CELF2: variants seen among roughly 807,000 people sequenced by gnomAD.
The protein encoded by CELF2 is CUGBP Elav-like family member 2.
CELF2 carries 8 observed loss-of-function variants against 62.6 expected under a neutral mutation model. The observed-to-expected ratio is 0.13, with a 90% CI of 0.07 to 0.23. The LOEUF (loss-of-function observed/expected upper bound fraction) is 0.23. Among genes scored for constraint, CELF2 ranks in the 10% least tolerant of loss-of-function variants. The pLI is 1.00. For synonymous variants in CELF2, 258 were observed against 250.0 expected (o/e 1.03, Z -0.30); for missense variants, 333 against 671.0 (o/e 0.50, Z 5.56).
chr10:11,149,342 T>C (rs541362054), intron 1 of CELF2, among the ~76,000 whole-genome samples: 1 of 152,308 alleles, frequency 6.6e-6, no homozygotes, highest in South Asian at 2.1e-4. Flanking sequence ...AGTGCTGCGA[T>C]AACAGGCATG....
chr10:10,858,346 T>A (rs949510611), intron 1 of CELF2, among the ~76,000 whole-genome samples: 1 of 152,126 alleles, frequency 6.6e-6, no homozygotes, highest in Non-Finnish European at 1.5e-5. Flanking sequence ...AATACCCCAA[T>A]GTCTAGCTAC....
At chr10:11,048,099 T>A (rs1249143961) in intron 1 of CELF2, among the ~76,000 whole-genome samples, 1 of 152,086 alleles carries the variant, frequency 6.6e-6, no homozygotes, top group Non-Finnish European at 1.5e-5. Context: ...CCCTCAACAC[T>A]CCCCAAGGCT....
the CELF2 span, among the ~76,000 whole-genome samples, chr10:10,540,042 T>C: frequency 6.6e-6 from 1 of 152,166 alleles, no homozygotes; most frequent in East Asian, 1.9e-4. Context: ...CCCCAGCTCT[T>C]TCCAAGAAAA....
intron 1 of CELF2, among the ~76,000 whole-genome samples, chr10:11,019,602 G>A (rs1026428938): frequency 6.6e-6 from 1 of 152,132 alleles, no homozygotes. Context: ...CAAAAAAAAG[G>A]AGGGGGGTGG....
chr10:11,322,690 C>T (rs2095506333), intron 11 of CELF2, among the ~76,000 whole-genome samples: 1 of 150,788 alleles, frequency 6.6e-6, no homozygotes. Flanking sequence ...GTATAAATAA[C>T]ATGGATATCA....
chr10:10,987,121 G>T (rs936408017), intron 2 of CELF2, among the ~76,000 whole-genome samples: 28 of 152,152 alleles, frequency 1.8e-4, no homozygotes, highest in African/African-American at 6.3e-4. Flanking sequence ...ATGTCACAAG[G>T]TATTAAAGGA....
At position 10,972,774 on chromosome 10, in the gene CELF2, G is replaced by C. The variant is rs1197820962; in HGVS notation, c.89+52775G>C. Among the ~76,000 whole-genome samples, 2 of 152,024 alleles carry C rather than the reference G, an allele frequency of 1.3e-5. No homozygotes were observed. The highest frequency in any genetic ancestry group is 6.6e-5 in the Admixed American group (1 of 15,266). The stretch of plus-strand genomic sequence containing the variant: ...CACTCACACCCTTCCTTTTTGATCT[G>C]TTCCTATTCTGAAATACACAATATC... On this transcript the variant is annotated intron_variant, in intron 2 of 13. Coordinates refer to the CELF2 transcript ENST00000636488. The surrounding 1 kb of genome is among the most constrained non-coding windows in gnomAD (Gnocchi z 4.4).
chr10:11,051,461 C>T (rs1238597791), intron 1 of CELF2, among the ~76,000 whole-genome samples: 1 of 152,218 alleles, frequency 6.6e-6, no homozygotes, highest in Non-Finnish European at 1.5e-5. Flanking sequence ...GTCTGGCTTA[C>T]ATAAACTGTA....
chr10:11,148,587 T>C (rs2062705689), intron 1 of CELF2, among the ~76,000 whole-genome samples: 1 of 152,222 alleles, frequency 6.6e-6, no homozygotes, highest in Admixed American at 6.5e-5. Context: ...TGGGTCACGA[T>C]AGCATTGTGT....
the CELF2 span, among the ~76,000 whole-genome samples, chr10:10,766,041 A>G: frequency 6.6e-6 from 1 of 152,208 alleles, no homozygotes; most frequent in Non-Finnish European, 1.5e-5. Flanking sequence ...CGGCACTCCA[A>G]CCTGAGAAAC....
chr10:11,031,768 C>A (rs964667636), intron 1 of CELF2, among the ~76,000 whole-genome samples: 11 of 152,066 alleles, frequency 7.2e-5, no homozygotes, highest in African/African-American at 2.7e-4. Flanking sequence ...TTCACTCCAC[C>A]CTCATTATAA....
rs180867384 is a variant in CELF2 at position 11,312,763 on chromosome 10, G to A, written c.977-1376G>A. Among the ~76,000 whole-genome samples, 611 of 152,238 alleles carry A rather than the reference G, an allele frequency of 4.0e-3. 3 individuals are homozygous for A. The highest frequency in any genetic ancestry group is 0.014 in the African/African-American group (581 of 41,554). ...ATCCTGGCCAACATGGTGAAACCCCGTCTCTAATAAAAATACAAAAATTAG... is the reference window on the plus strand; with the variant it reads ...ATCCTGGCCAACATGGTGAAACCCCATCTCTAATAAAAATACAAAAATTAG... On this transcript the variant is annotated intron_variant, in intron 9 of 12. Transcript: ENST00000633077.
intron 1 of CELF2, among the ~76,000 whole-genome samples, chr10:10,803,814 C>T (rs1049768277): frequency 4.6e-5 from 7 of 152,170 alleles, no homozygotes; most frequent in African/African-American, 1.2e-4. Flanking sequence ...TCCTAGCACA[C>T]GACAATGAAT....
chr10:11,255,011 A>G lies in CELF2; in HGVS notation c.404-2727A>G, dbSNP rs2078264460. ...AGAATCCTCCCATGTTAGTGAGCACAGGCGGTGTAGACGGCCTGCAGCAGG... is the reference window on the plus strand; with the variant it reads ...AGAATCCTCCCATGTTAGTGAGCACGGGCGGTGTAGACGGCCTGCAGCAGG... On this transcript the variant is annotated intron_variant, in intron 4 of 12. Coordinates refer to ENST00000633077, the MANE Select transcript of CELF2 (RefSeq NM_001326342.2). This position sits in a 1 kb window ranked among gnomAD's most constrained non-coding sequence, Gnocchi z 5.5. Among the ~76,000 whole-genome samples the G allele has an allele frequency of 6.6e-6, 1 of 152,160 alleles. No individual in the cohort carries two copies. The highest frequency in any genetic ancestry group is 6.5e-5 in the Admixed American group (1 of 15,276).
chr10:11,310,372 G>T (rs1485836432), intron 9 of CELF2, among the ~76,000 whole-genome samples: 11 of 152,158 alleles, frequency 7.2e-5, no homozygotes, highest in Admixed American at 7.2e-4. Flanking sequence ...TTTGTACCAG[G>T]GAAGGGAGCA....
At chr10:11,072,700 C>A (rs2070494623) in intron 1 of CELF2, among the ~76,000 whole-genome samples, 1 of 152,172 alleles carries the variant, frequency 6.6e-6, no homozygotes, top group South Asian at 2.1e-4. Context: ...ATCTCCCATC[C>A]CTGTGGAGTC....
chr10:10,602,706 C>T, the CELF2 span, among the ~76,000 whole-genome samples: 1 of 152,030 alleles, frequency 6.6e-6, no homozygotes, highest in Non-Finnish European at 1.5e-5. Context: ...TATTTTTTAT[C>T]TACTTTTTAA....
chr10:11,241,483 A>C (rs1489258547), intron 3 of CELF2, among the ~76,000 whole-genome samples: 1 of 152,224 alleles, frequency 6.6e-6, no homozygotes, highest in African/African-American at 2.4e-5. Flanking sequence ...TACAGGTGTG[A>C]GTGACCGCGC....
chr10:10,904,723 C>G (rs576024062), intron 1 of CELF2, among the ~76,000 whole-genome samples: 1 of 152,308 alleles, frequency 6.6e-6, no homozygotes, highest in African/African-American at 2.4e-5. Flanking sequence ...TTAAACTGAG[C>G]TTTAACCCCA....
Sources: allele counts gnomAD v4.1 joint callset (sites outside exome capture counted in the v4.1 genomes callset), GRCh38; gene constraint gnomAD v4.1.1; non-coding constraint Gnocchi (gnomAD v3.1); transcripts MANE v1.5; gene names NCBI Gene and HGNC (gene_info 2026-07-23, HGNC 2026-07-21).